Variants in PDE3A observed in about 807,000 individuals in gnomAD.
PDE3A encodes phosphodiesterase 3A.
A neutral mutation model predicts 98.3 loss-of-function variants in PDE3A; 43 were observed. The ratio of observed to expected loss-of-function variants is 0.44; its 90% CI spans 0.34 to 0.56. The LOEUF is 0.56. PDE3A is among the 20% of genes least tolerant of loss of function. PDE3A has a pLI of 0.01. For synonymous variants in PDE3A, 663 were observed against 567.9 expected (o/e 1.17, Z -2.38); for missense variants, 1,427 against 1,440.7 (o/e 0.99, Z 0.15).
intron 2 of PDE3A, among the ~76,000 whole-genome samples, chr12:20,589,898 A>G (rs1302188810): frequency 1.3e-5 from 2 of 151,316 alleles, no homozygotes; most frequent in African/African-American, 2.4e-5. Flanking sequence ...AAGAAAAAAA[A>G]TTAGTTCACA....
At chr12:20,376,508 T>C (rs921362468) in intron 1 of PDE3A, among the ~76,000 whole-genome samples, 1 of 152,010 alleles carries the variant, frequency 6.6e-6, no homozygotes. Flanking sequence ...AGGTAGCCTC[T>C]GGAATGAATT....
chr12:20,606,815 G>A (rs375752605), intron 2 of PDE3A, among the ~76,000 whole-genome samples: 90 of 140,466 alleles, frequency 6.4e-4, no homozygotes, highest in African/African-American at 2.3e-3. Context: ...CTGAGATCAC[G>A]CCATTGCACT....
chr12:20,548,724 T>C (rs1004887164), intron 1 of PDE3A, among the ~76,000 whole-genome samples: 5 of 152,156 alleles, frequency 3.3e-5, no homozygotes, highest in African/African-American at 7.2e-5. Context: ...AAAGGAAAAT[T>C]CCACAGTTTC....
At chr12:20,451,485 G>C (rs2120888050) in intron 1 of PDE3A, among the ~76,000 whole-genome samples, 1 of 152,222 alleles carries the variant, frequency 6.6e-6, no homozygotes, top group Non-Finnish European at 1.5e-5. Flanking sequence ...TGTTGGCCAG[G>C]CTGGTCTCAA....
intron 1 of PDE3A, among the ~76,000 whole-genome samples, chr12:20,398,396 T>A (rs1381429869): frequency 6.6e-6 from 1 of 151,824 alleles, no homozygotes; most frequent in African/African-American, 2.4e-5. Context: ...GTGTCATCAA[T>A]TAATTCATTC....
At position 20,680,365 on chromosome 12, in the gene PDE3A, T is replaced by C. The variant is rs1450142499; in HGVS notation, c.*94T>C. 4.0e-6 allele frequency: 5 copies of C among 1,264,336 alleles called. No individual in the cohort carries two copies. The highest frequency in any genetic ancestry group is 1.6e-5 in the South Asian group (1 of 63,502). The allele number at this position is 1,264,336 out of a possible 1,614,324, so 78.3% of individuals were successfully genotyped here. A position where few individuals can be genotyped will look rare whatever the true frequency, so the allele number is the denominator to read the frequency against. ...CATTTAGACACAACACTGTAGAAAT[T>C]TGAGATGGGCAAATGGCTATTGCAT... On this transcript the variant is annotated 3_prime_UTR_variant, in exon 16 of 16. Transcript: ENST00000359062.
At chr12:20,489,014 G>A (rs1945782160) in intron 1 of PDE3A, among the ~76,000 whole-genome samples, 3 of 151,942 alleles carry the variant, frequency 2.0e-5, no homozygotes, top group Admixed American at 6.6e-5. Flanking sequence ...AGCAATCAAC[G>A]AATAATTCTT....
chr12:20,388,533 A>T (rs1247414775), intron 1 of PDE3A, among the ~76,000 whole-genome samples: 1 of 152,036 alleles, frequency 6.6e-6, no homozygotes, highest in Non-Finnish European at 1.5e-5. Flanking sequence ...ATGAAAACAA[A>T]TGTTGTTCTA....
At chr12:20,398,677 T>C (rs7979838) in intron 1 of PDE3A, among the ~76,000 whole-genome samples, 113,691 of 151,380 alleles carry the variant, frequency 0.75, 43,141 homozygotes, top group East Asian at 0.98. Flanking sequence ...AACAGACATG[T>C]TGACAAGTTT....
chr12:20,566,872 C>T (rs1942672757), intron 2 of PDE3A, among the ~76,000 whole-genome samples: 1 of 151,988 alleles, frequency 6.6e-6, no homozygotes, highest in Admixed American at 6.6e-5. Context: ...TTTTACCACT[C>T]ATTGTCCCTA....
intron 1 of PDE3A, among the ~76,000 whole-genome samples, chr12:20,453,173 C>CTTT (rs55780939): frequency 0.18 from 21,821 of 124,318 alleles, 2,314 homozygotes; most frequent in East Asian, 0.26. Flanking sequence ...CTTGATAATG[C>CTTT]TTTTTTTTTT....
intron 1 of PDE3A, among the ~76,000 whole-genome samples, chr12:20,519,649 G>A (rs946123972): frequency 3.3e-5 from 5 of 152,166 alleles, no homozygotes; most frequent in Non-Finnish European, 5.9e-5. Flanking sequence ...AGAAGGGAAT[G>A]TAAAAATATG....
chr12:20,677,612 A>G (rs1270883049), intron 15 of PDE3A, among the ~76,000 whole-genome samples: 3 of 152,244 alleles, frequency 2.0e-5, no homozygotes, highest in East Asian at 3.9e-4. Flanking sequence ...GGTGCCCGCC[A>G]CCATGCCTGG....
In PDE3A at chr12:20,462,724, T is replaced by C. The variant is rs144950095; in HGVS notation, c.960+92480T>C. 4.1e-3 allele frequency among the ~76,000 whole-genome samples: 621 copies of C among 152,294 alleles called. 5 individuals carry two copies. The highest frequency in any genetic ancestry group is 0.014 in the African/African-American group (589 of 41,574). ...TCTAAACATTTACTTCAAGCTTTCA[T>C]GCAATTTGGTATTCATTTGTTAAAA... On this transcript the variant is annotated intron_variant, in intron 1 of 15. Transcript: ENST00000359062.
chr12:20,464,028 C>T (rs1324703954), intron 1 of PDE3A, among the ~76,000 whole-genome samples: 2 of 151,940 alleles, frequency 1.3e-5, no homozygotes, highest in Non-Finnish European at 2.9e-5. Context: ...TATTCATTAC[C>T]ACTTAGTTTA....
At chr12:20,378,604 C>T (rs537568881) in intron 1 of PDE3A, among the ~76,000 whole-genome samples, 155 of 151,770 alleles carry the variant, frequency 1.0e-3, no homozygotes, top group Non-Finnish European at 1.1e-3. Context: ...TACAAAGAAG[C>T]ACATTTGGAC....
At chr12:20,604,996 T>G (rs1943676329) in intron 2 of PDE3A, among the ~76,000 whole-genome samples, 1 of 152,206 alleles carries the variant, frequency 6.6e-6, no homozygotes, top group South Asian at 2.1e-4. Flanking sequence ...TTTTTGAATC[T>G]TTATAGTTGT....
intron 15 of PDE3A, among the ~76,000 whole-genome samples, chr12:20,668,684 C>A (rs1249454831): frequency 6.7e-6 from 1 of 150,026 alleles, no homozygotes; most frequent in Non-Finnish European, 1.5e-5. Context: ...ACATCCACAC[C>A]AAAAACCCAT....
At chr12:20,418,390 C>T (rs1944457258) in intron 1 of PDE3A, among the ~76,000 whole-genome samples, 2 of 152,126 alleles carry the variant, frequency 1.3e-5, no homozygotes, top group African/African-American at 2.4e-5. Flanking sequence ...TCTGAGTGCT[C>T]AGTTTGTGGC....
Sources: gnomAD v4.1 joint callset for allele counts (sites outside exome capture counted in the v4.1 genomes callset) on GRCh38, gnomAD v4.1.1 for gene constraint, MANE v1.5 for transcripts, NCBI Gene and HGNC (gene_info 2026-07-23, HGNC 2026-07-21) for gene names.